Variants in NOS1AP observed in about 807,000 individuals in gnomAD.
The protein encoded by NOS1AP is nitric oxide synthase 1 adaptor protein.
Under a neutral mutation model 56.2 loss-of-function variants are expected in NOS1AP, and 21 were observed. That is an observed-to-expected ratio of 0.37 (90% CI 0.26 to 0.54). The LOEUF is 0.54. NOS1AP is among the 20% of genes least tolerant of loss of function. NOS1AP has a pLI of 0.84. For synonymous variants in NOS1AP, 270 were observed against 274.6 expected (o/e 0.98, Z 0.17); for missense variants, 522 against 657.8 (o/e 0.79, Z 2.26).
At chr1:162,173,228 T>C (rs1650887111) in intron 2 of NOS1AP, among the ~76,000 whole-genome samples, 1 of 152,194 alleles carries the variant, frequency 6.6e-6, no homozygotes, top group Admixed American at 6.5e-5. Flanking sequence ...GGTCCTGATC[T>C]CAGGTGATCT....
intron 6 of NOS1AP, among the ~76,000 whole-genome samples, chr1:162,347,679 G>T (rs1385235917): frequency 6.6e-6 from 1 of 152,180 alleles, no homozygotes; most frequent in African/African-American, 2.4e-5. Flanking sequence ...CTGCTGGGTG[G>T]AGTGGGTTTG....
At chr1:162,161,258 G>A (rs1045669247) in intron 2 of NOS1AP, among the ~76,000 whole-genome samples, 3 of 152,150 alleles carry the variant, frequency 2.0e-5, no homozygotes, top group African/African-American at 7.2e-5. Context: ...TAGGTTTTGG[G>A]GATTAGGTCA....
chr1:162,260,535 C>G (rs987734534), intron 2 of NOS1AP, among the ~76,000 whole-genome samples: 9 of 152,146 alleles, frequency 5.9e-5, no homozygotes, highest in Admixed American at 3.3e-4. Context: ...TAAATGTTCT[C>G]TAAATATAGA....
chr1:162,169,808 C>T (rs999616092), intron 2 of NOS1AP, among the ~76,000 whole-genome samples: 5 of 152,214 alleles, frequency 3.3e-5, no homozygotes, highest in African/African-American at 1.2e-4. Context: ...TCTGGCTTCA[C>T]TGTGCCTGTC....
chr1:162,141,546 G>A (rs1383868998), intron 1 of NOS1AP, among the ~76,000 whole-genome samples: 1 of 152,102 alleles, frequency 6.6e-6, no homozygotes, highest in Non-Finnish European at 1.5e-5. Context: ...TTCCCTCTTT[G>A]TTTCTGGGAA....
chr1:162,149,060 TGA>T (rs1443206137), intron 1 of NOS1AP, among the ~76,000 whole-genome samples: 1 of 152,148 alleles, frequency 6.6e-6, no homozygotes, highest in African/African-American at 2.4e-5. Context: ...GGAAAAAGGA[TGA>T]GTTTCCATTT....
At chr1:162,229,935 A>G (rs1476410074) in intron 2 of NOS1AP, among the ~76,000 whole-genome samples, 1 of 152,150 alleles carries the variant, frequency 6.6e-6, no homozygotes, top group Admixed American at 6.5e-5. Context: ...CAATACAGAA[A>G]TCATACCTGT....
intron 5 of NOS1AP, among the ~76,000 whole-genome samples, chr1:162,337,229 C>T (rs1476124289): frequency 6.6e-6 from 1 of 152,200 alleles, no homozygotes; most frequent in Non-Finnish European, 1.5e-5. Flanking sequence ...TCCCCATTAT[C>T]TTCATGGGCA....
intron 2 of NOS1AP, among the ~76,000 whole-genome samples, chr1:162,244,421 T>A (rs187019626): frequency 2.6e-5 from 4 of 152,348 alleles, no homozygotes; most frequent in Non-Finnish European, 5.9e-5. Context: ...TATGTGGTTT[T>A]GAATAAATAG....
intron 4 of NOS1AP, among the ~76,000 whole-genome samples, chr1:162,319,548 T>C (rs1451246933): frequency 6.6e-6 from 1 of 152,070 alleles, no homozygotes; most frequent in Non-Finnish European, 1.5e-5. Flanking sequence ...AGGCAAACTG[T>C]GCTACCTCAT....
chr1:162,323,199 C>T (rs754282859), intron 4 of NOS1AP, among the ~76,000 whole-genome samples: 16 of 152,104 alleles, frequency 1.1e-4, no homozygotes, highest in African/African-American at 1.7e-4. Flanking sequence ...GGCAGAATGC[C>T]GTGGGAAGGC....
chr1:162,188,001 T>G lies in NOS1AP; in HGVS notation c.177+33525T>G, dbSNP rs1029292343. The stretch of plus-strand genomic sequence containing the variant: ...GTGGTGGTATAACATATTCTTGTCA[T>G]TATCCCTGGCTTGCCATCTTACTGT... On this transcript the variant is annotated intron_variant, in intron 2 of 9. Transcript: ENST00000361897. The surrounding 1 kb of genome is among the most constrained non-coding windows in gnomAD (Gnocchi z 4.0). 2.0e-5 allele frequency among the ~76,000 whole-genome samples: 3 copies of G among 152,186 alleles called. No individual in the cohort carries two copies. The highest frequency in any genetic ancestry group is 7.2e-5 in the African/African-American group (3 of 41,448).
intron 1 of NOS1AP, among the ~76,000 whole-genome samples, chr1:162,085,400 G>A (rs1041398326): frequency 6.6e-6 from 1 of 152,094 alleles, no homozygotes; most frequent in Non-Finnish European, 1.5e-5. Context: ...AATCAAGCAG[G>A]AAAATTTAAG....
At chr1:162,121,185 T>G (rs527314045) in intron 1 of NOS1AP, among the ~76,000 whole-genome samples, 7 of 151,846 alleles carry the variant, frequency 4.6e-5, no homozygotes, top group Non-Finnish European at 7.4e-5. Flanking sequence ...TTGTTTTTTT[T>G]TTGGAGACAA....
chr1:162,270,895 G>A (rs1176943928), intron 2 of NOS1AP, among the ~76,000 whole-genome samples: 2 of 152,148 alleles, frequency 1.3e-5, no homozygotes, highest in East Asian at 3.9e-4. Flanking sequence ...GCCCTAGAGT[G>A]GCCTTTGAGG....
chr1:162,132,011 C>T (rs1648772896), intron 1 of NOS1AP, among the ~76,000 whole-genome samples: 1 of 152,154 alleles, frequency 6.6e-6, no homozygotes, highest in South Asian at 2.1e-4. Flanking sequence ...GTAAACTGCA[C>T]AGTGAAGGGT....
At chr1:162,184,203 A>G (rs1303326253) in intron 2 of NOS1AP, among the ~76,000 whole-genome samples, 1 of 152,230 alleles carries the variant, frequency 6.6e-6, no homozygotes, top group African/African-American at 2.4e-5. Flanking sequence ...TTGGTGGAGC[A>G]GTCAGAACAC....
intron 1 of NOS1AP, among the ~76,000 whole-genome samples, chr1:162,094,461 G>A (rs1244639838): frequency 2.6e-5 from 4 of 152,108 alleles, no homozygotes; most frequent in East Asian, 1.9e-4. Context: ...CACAAAACCC[G>A]TAAAACAGAA....
intron 2 of NOS1AP, among the ~76,000 whole-genome samples, chr1:162,246,322 C>T (rs546404828): frequency 6.6e-6 from 1 of 152,206 alleles, no homozygotes; most frequent in East Asian, 1.9e-4. Context: ...AGACAATGTG[C>T]AGGGACAGTA....
Sources: gnomAD v4.1 joint callset for allele counts (sites outside exome capture counted in the v4.1 genomes callset) on GRCh38, gnomAD v4.1.1 for gene constraint, Gnocchi (gnomAD v3.1) non-coding constraint, MANE v1.5 for transcripts, NCBI Gene and HGNC (gene_info 2026-07-23, HGNC 2026-07-21) for gene names.